The following NMNAT3 variants were observed in gnomAD, a reference collection of about 807,000 sequenced individuals.
NMNAT3 encodes the protein nicotinamide/nicotinic acid mononucleotide adenylyltransferase 3.
Under a neutral mutation model 24.8 loss-of-function variants are expected in NMNAT3, and 21 were observed. That is an observed-to-expected ratio of 0.85 (90% CI 0.60 to 1.22). The LOEUF is 1.22. Among genes scored for constraint, NMNAT3 ranks in the 50% most tolerant of loss-of-function variants. The pLI is 0.00. For missense variants in NMNAT3, 387 were observed against 436.6 expected, an observed-to-expected ratio of 0.89 and a Z score of 1.01; for synonymous variants, 136 against 155.2, an observed-to-expected ratio of 0.88 and a Z score of 0.92.
At chr3:139,623,763 A>G (rs910825344) in intron 3 of NMNAT3, among the ~76,000 whole-genome samples, 6 of 152,112 alleles carry the variant, frequency 3.9e-5, no homozygotes, top group African/African-American at 1.4e-4. Flanking sequence ...TTGTATTTTT[A>G]GTAGAGATGG....
In NMNAT3 at chr3:139,561,000, T is replaced by TC. The variant is rs993251311; in HGVS notation, c.*9dup. ...TGTTGGAGGAGGTGTGGGTGCTGAGTCCCCCCTCCCTAGCTTGTCTTGCCC... is the reference window on the plus strand; with the variant it reads ...TGTTGGAGGAGGTGTGGGTGCTGAGTCCCCCCCTCCCTAGCTTGTCTTGCCC... On this transcript the variant is annotated 3_prime_UTR_variant, in exon 7 of 7. Transcript: ENST00000643695. The TC allele has an allele frequency of 4.4e-6, 7 of 1,603,396 alleles. No individual in the cohort carries two copies. In the African/African-American group the frequency reaches 6.7e-5, roughly 15 times the overall value.
chr3:139,600,861 C>CT (rs2054682130), intron 3 of NMNAT3, among the ~76,000 whole-genome samples: 1 of 152,102 alleles, frequency 6.6e-6, no homozygotes, highest in Non-Finnish European at 1.5e-5. Flanking sequence ...TTAGAATCTC[C>CT]TTTTTTGCAA....
chr3:139,644,145 C>T (rs189755625), intron 1 of NMNAT3, among the ~76,000 whole-genome samples: 1 of 152,318 alleles, frequency 6.6e-6, no homozygotes, highest in East Asian at 1.9e-4. Flanking sequence ...CCCTTTTTAT[C>T]ATTAAGTCAA....
intron 6 of NMNAT3, chr3:139,572,375 A>C (rs1345045611): frequency 5.1e-6 from 2 of 393,038 alleles, no homozygotes; most frequent in Non-Finnish European, 9.0e-6. Flanking sequence ...GAATACAATA[A>C]ACATTATATA....
chr3:139,649,484 G>A (rs905407125), intron 1 of NMNAT3, among the ~76,000 whole-genome samples: 1 of 152,294 alleles, frequency 6.6e-6, no homozygotes, highest in African/African-American at 2.4e-5. Flanking sequence ...GTGGGGCAAA[G>A]TCACCATTCA....
intron 3 of NMNAT3, among the ~76,000 whole-genome samples, chr3:139,623,251 AAC>A (rs1191307987): frequency 1.3e-5 from 2 of 152,142 alleles, no homozygotes; most frequent in African/African-American, 2.4e-5. Flanking sequence ...TTAAGATACA[AAC>A]ACACAGATTA....
intron 3 of NMNAT3, among the ~76,000 whole-genome samples, chr3:139,595,493 G>T (rs143969015): frequency 0.092 from 13,952 of 152,212 alleles, 681 homozygotes; most frequent in Middle Eastern, 0.11. Context: ...AAAAGAGCCC[G>T]CATTGCGAAG....
At chr3:139,612,440 T>C (rs574715045) in intron 3 of NMNAT3, among the ~76,000 whole-genome samples, 2 of 152,212 alleles carry the variant, frequency 1.3e-5, no homozygotes, top group East Asian at 3.9e-4. Context: ...ACCTTGGCAA[T>C]GAGGTGGGAA....
chr3:139,573,446 G>A (rs1006373904), intron 6 of NMNAT3, 152 bp downstream of exon 6: 3 of 432,254 alleles, frequency 6.9e-6, no homozygotes, highest in South Asian at 7.1e-5. Context: ...AACCTCAGAA[G>A]TGTCATCCCA....
At chr3:139,649,429 T>C (rs918060241) in intron 1 of NMNAT3, among the ~76,000 whole-genome samples, 1 of 152,210 alleles carries the variant, frequency 6.6e-6, no homozygotes, top group Non-Finnish European at 1.5e-5. Flanking sequence ...ACACAGTAAG[T>C]AGCCAAAGTC....
chr3:139,612,274 T>A (rs558591950), intron 3 of NMNAT3, among the ~76,000 whole-genome samples: 33 of 152,222 alleles, frequency 2.2e-4, no homozygotes, highest in African/African-American at 5.8e-4. Flanking sequence ...ACTGATAGTT[T>A]CTGATTGCTT....
intron 4 of NMNAT3, among the ~76,000 whole-genome samples, chr3:139,581,797 T>C (rs142225170): frequency 1.3e-5 from 2 of 152,294 alleles, no homozygotes; most frequent in East Asian, 3.9e-4. Context: ...TTCTAACTTG[T>C]AGTGATGGTC....
intron 3 of NMNAT3, among the ~76,000 whole-genome samples, chr3:139,596,804 G>A (rs2054480475): frequency 6.6e-6 from 1 of 151,354 alleles, no homozygotes; most frequent in Non-Finnish European, 1.5e-5. Context: ...GCTGCTGCCT[G>A]CTGCCCTTGG....
At chr3:139,582,201 A>G (rs1415459810) in intron 4 of NMNAT3, among the ~76,000 whole-genome samples, 1 of 150,822 alleles carries the variant, frequency 6.6e-6, no homozygotes, top group Non-Finnish European at 1.5e-5. Context: ...AAAAAAAAAA[A>G]AAAAAAAAAA....
rs141875002 is a variant in NMNAT3, at chr3:139,590,692, G to A, written c.110-7484C>T. ...ATAAAATAAGCTTAAAAATTAATGC[G>A]TGCTGTAGAAATATTACAGTCTACT... On this transcript the variant is annotated intron_variant, in intron 3 of 6. Coordinates refer to ENST00000643695, the MANE Select transcript of NMNAT3 (RefSeq NM_001320510.2). 1.5e-4 allele frequency among the ~76,000 whole-genome samples: 23 copies of A among 152,014 alleles called. No homozygotes were observed. In the East Asian group the frequency reaches 2.7e-3, roughly 18 times the overall value.
At chr3:139,571,136 G>A (rs1024842235) in intron 6 of NMNAT3, 1 of 152,406 alleles carries the variant, frequency 6.6e-6, no homozygotes, top group South Asian at 2.1e-4. Context: ...GTGGGTGTAG[G>A]ACCCTCCGAG....
At chr3:139,574,335 C>T (rs1446440230) in intron 5 of NMNAT3, among the ~76,000 whole-genome samples, 1 of 152,210 alleles carries the variant, frequency 6.6e-6, no homozygotes, top group African/African-American at 2.4e-5. Context: ...CTGCATCTGC[C>T]AGTGAGGAAT....
chr3:139,608,278 A>C (rs535777832), intron 3 of NMNAT3, among the ~76,000 whole-genome samples: 53 of 152,334 alleles, frequency 3.5e-4, no homozygotes, highest in African/African-American at 9.6e-4. Flanking sequence ...GGGGCGCCCT[A>C]GTTGCCAAGG....
At chr3:139,592,831 G>C (rs2054261514) in intron 3 of NMNAT3, among the ~76,000 whole-genome samples, 1 of 152,044 alleles carries the variant, frequency 6.6e-6, no homozygotes, top group South Asian at 2.1e-4. Flanking sequence ...ACTAAACATG[G>C]AAAGGAACAA....
Sources: gnomAD v4.1 joint callset for allele counts (sites outside exome capture counted in the v4.1 genomes callset) on GRCh38, gnomAD v4.1.1 for gene constraint, MANE v1.5 for transcripts, NCBI Gene and HGNC (gene_info 2026-07-23, HGNC 2026-07-21) for gene names.